KCNK2: variants seen among roughly 807,000 people sequenced by gnomAD.
KCNK2 encodes the protein potassium channel subfamily K member 2.
Under a neutral mutation model 40.5 loss-of-function variants are expected in KCNK2, and 21 were observed. The ratio of observed to expected loss-of-function variants is 0.52; its 90% CI spans 0.37 to 0.75. The LOEUF is 0.75. KCNK2 is among the 30% of genes least tolerant of loss of function. The pLI is 0.00. For synonymous variants in KCNK2, 191 were observed against 202.2 expected, an observed-to-expected ratio of 0.94 and a Z score of 0.47; for missense variants, 399 against 531.6, an observed-to-expected ratio of 0.75 and a Z score of 2.45.
At chr1:215,019,663 C>T (rs1042882398) in intron 1 of KCNK2, among the ~76,000 whole-genome samples, 10 of 152,178 alleles carry the variant, frequency 6.6e-5, no homozygotes, top group African/African-American at 2.4e-4. Flanking sequence ...AGAGAATAGA[C>T]AACATTCAGA....
chr1:215,203,063 G>C (rs1279753268), intron 6 of KCNK2, among the ~76,000 whole-genome samples: 2 of 149,730 alleles, frequency 1.3e-5, no homozygotes, highest in Non-Finnish European at 1.5e-5. Context: ...TTCTCCTTAT[G>C]TGGGTAATAC....
chr1:215,223,241 T>TAAAAAAAAAAAAAAA (rs56890763), intron 6 of KCNK2, among the ~76,000 whole-genome samples: 37 of 112,044 alleles, frequency 3.3e-4, no homozygotes, highest in African/African-American at 8.8e-4. Flanking sequence ...AGCTCTTTTC[T>TAAAAAAAAAAAAAAA]AAAAAAAAAA....
rs1666812179 is a variant in KCNK2 at position 215,234,851 on chromosome 1, T to C, written c.987T>C (p.Ala329=). 1 of 1,613,682 alleles carries C rather than the reference T, an allele frequency of 6.2e-7. No individual in the cohort carries two copies. The highest frequency in any genetic ancestry group is 8.5e-7 in the Non-Finnish European group (1 of 1,179,780). ...KEEVGEFRAH[A]AEWTANVTAE... is the part of the protein sequence containing the mutation. Reference sequence around the variant, plus strand: ...AGGTGGGAGAGTTCAGAGCACACGCTGCTGAGTGGACAGCCAACGTCACAG... The same window carrying C: ...AGGTGGGAGAGTTCAGAGCACACGCCGCTGAGTGGACAGCCAACGTCACAG... Residue 329 remains alanine (A), a synonymous_variant, in exon 7 of 7, where the codon GCT becomes GCC. Coordinates refer to ENST00000444842, the MANE Select transcript of KCNK2 (RefSeq NM_001017425.3).
At chr1:215,188,416 C>T (rs12081526) in intron 5 of KCNK2, among the ~76,000 whole-genome samples, 14,816 of 152,062 alleles carry the variant, frequency 0.097, 1,915 homozygotes, top group African/African-American at 0.3. Flanking sequence ...AGGATTCAGT[C>T]TTCTTGGAAT....
At chr1:215,143,850 A>G (rs1662293466) in intron 3 of KCNK2, among the ~76,000 whole-genome samples, 1 of 152,094 alleles carries the variant, frequency 6.6e-6, no homozygotes, top group African/African-American at 2.4e-5. Flanking sequence ...TAGTTCTAAG[A>G]CCCTATCTTT....
In KCNK2 at chr1:215,176,263, T is replaced by C. The variant is rs562084451; in HGVS notation, c.823+4080T>C. On this transcript the variant is annotated intron_variant, in intron 5 of 6. Transcript: ENST00000444842. The stretch of plus-strand genomic sequence containing the variant: ...ATGATTAGTGATGTGGGGCATTTTT[T>C]TATATGTTTGTTAGAAACTTGTGTG... Among the ~76,000 whole-genome samples, 6 of 152,270 alleles carry C rather than the reference T, an allele frequency of 3.9e-5. No individual in the cohort carries two copies. In the South Asian group the frequency reaches 1.2e-3, roughly 32 times the overall value.
intron 2 of KCNK2, among the ~76,000 whole-genome samples, chr1:215,118,119 G>A (rs988140736): frequency 3.3e-5 from 5 of 152,072 alleles, no homozygotes; most frequent in African/African-American, 1.2e-4. Context: ...GTGAAATTCT[G>A]AGCCTGTAAG....
intron 5 of KCNK2, among the ~76,000 whole-genome samples, chr1:215,185,753 T>A (rs1260275335): frequency 6.6e-6 from 1 of 152,170 alleles, no homozygotes; most frequent in African/African-American, 2.4e-5. Context: ...GGGCTATAAA[T>A]CTCATAAGGA....
chr1:215,060,470 C>G (rs1658328160), intron 1 of KCNK2, among the ~76,000 whole-genome samples: 1 of 152,076 alleles, frequency 6.6e-6, no homozygotes, highest in African/African-American at 2.4e-5. Context: ...TGCAAATGTT[C>G]CCAAAGGACT....
chr1:215,014,694 C>T (rs1656524354), intron 1 of KCNK2, among the ~76,000 whole-genome samples: 1 of 152,100 alleles, frequency 6.6e-6, no homozygotes, highest in Non-Finnish European at 1.5e-5. Flanking sequence ...GAAGACTGCT[C>T]ATTCTCACCC....
intron 3 of KCNK2, among the ~76,000 whole-genome samples, chr1:215,145,662 T>C (rs1662384619): frequency 6.6e-6 from 1 of 152,174 alleles, no homozygotes; most frequent in African/African-American, 2.4e-5. Context: ...TATTTATTGA[T>C]TTTATGGTTT....
At chr1:215,064,333 G>T (rs746458775) in intron 1 of KCNK2, among the ~76,000 whole-genome samples, 2 of 151,450 alleles carry the variant, frequency 1.3e-5, no homozygotes, top group Admixed American at 6.6e-5. Context: ...GTTTTTGTTT[G>T]TGTGTGTGTG....
In KCNK2 at chr1:215,044,795, ATG is replaced by A. The variant is rs150179184; in HGVS notation, c.34+38871_34+38872del. Among the ~76,000 whole-genome samples the A allele has an allele frequency of 1.4e-3, 197 of 145,722 alleles. 2 individuals carry two copies. The highest frequency in any genetic ancestry group is 7.6e-3 in the East Asian group (37 of 4,866). ...TAACTAGGTACTTGGGGATAAGTGT[ATG>A]TGTGTGTGTGTGTGTGTGTGTGTGT... is the stretch of plus-strand genomic sequence containing the variant. On this transcript the variant is annotated intron_variant, in intron 1 of 6. Transcript: ENST00000391895.
chr1:215,212,838 G>A (rs1665796812), intron 6 of KCNK2, among the ~76,000 whole-genome samples: 2 of 152,136 alleles, frequency 1.3e-5, no homozygotes, highest in Admixed American at 1.3e-4. Flanking sequence ...ATCCACTTAG[G>A]AATTCTGAAT....
chr1:215,030,414 T>C (rs900456867), intron 1 of KCNK2, among the ~76,000 whole-genome samples: 26 of 152,312 alleles, frequency 1.7e-4, no homozygotes, highest in African/African-American at 6.0e-4. Flanking sequence ...ATAAACTTTA[T>C]TGTTTATACA....
At chr1:215,122,130 T>A (rs1180836624) in intron 2 of KCNK2, among the ~76,000 whole-genome samples, 1 of 152,150 alleles carries the variant, frequency 6.6e-6, no homozygotes, top group African/African-American at 2.4e-5. Flanking sequence ...TAGATCTATA[T>A]GGTATATATA....
intron 1 of KCNK2, among the ~76,000 whole-genome samples, chr1:215,067,666 C>T (rs1658604512): frequency 6.6e-6 from 1 of 152,008 alleles, no homozygotes; most frequent in Admixed American, 6.6e-5. Context: ...GAGTTCAAGA[C>T]CAGTCTGGCC....
At chr1:215,029,390 AT>A (rs35551944) in intron 1 of KCNK2, among the ~76,000 whole-genome samples, 1 of 148,980 alleles carries the variant, frequency 6.7e-6, no homozygotes, top group Non-Finnish European at 1.5e-5. Context: ...ATCTATTTGG[AT>A]TTTTTTTTCA....
chr1:215,197,078 A>C (rs1664896895), intron 6 of KCNK2, among the ~76,000 whole-genome samples: 1 of 152,328 alleles, frequency 6.6e-6, no homozygotes, highest in South Asian at 2.1e-4. Context: ...ACAATCCAAA[A>C]GTTTGAAAGC....
Sources: gnomAD v4.1 joint callset for allele counts (sites outside exome capture counted in the v4.1 genomes callset) on GRCh38, gnomAD v4.1.1 for gene constraint, MANE v1.5 for transcripts, NCBI Gene and HGNC (gene_info 2026-07-23, HGNC 2026-07-21) for gene names.